Variants in GNG4 observed in about 807,000 individuals in gnomAD.
The protein encoded by GNG4 is guanine nucleotide-binding protein G(I)/G(S)/G(O) subunit gamma-4.
GNG4 carries 4 observed loss-of-function variants against 5.8 expected under a neutral mutation model. That is an observed-to-expected ratio of 0.69 (90% CI 0.34 to 1.57). The LOEUF is 1.57. GNG4 is among the 40% of genes most tolerant of loss of function. The pLI, the probability that GNG4 is intolerant of heterozygous loss-of-function variation, is 0.06. For missense variants in GNG4, 96 were observed against 95.1 expected (o/e 1.01, Z -0.04); for synonymous variants, 29 against 32.9 (o/e 0.88, Z 0.41).
At chr1:235,590,553 G>C (rs141025233) in intron 2 of GNG4, among the ~76,000 whole-genome samples, 4 of 152,106 alleles carry the variant, frequency 2.6e-5, no homozygotes, top group Non-Finnish European at 5.9e-5. Context: ...GCCGTCTTTC[G>C]GGAGCACTGG....
intron 3 of GNG4, among the ~76,000 whole-genome samples, chr1:235,564,516 T>C (rs508208): frequency 0.36 from 55,420 of 152,050 alleles, 11,483 homozygotes; most frequent in East Asian, 0.76. Flanking sequence ...TAAAGACTCT[T>C]GGACTGACAG....
Position 235,551,965 on chromosome 1 carries a change from C to A in GNG4, c.*144G>T. The A allele has an allele frequency of 6.9e-6, 4 of 583,928 alleles. No homozygotes were observed. Among genetic ancestry groups the A allele is most frequent in the South Asian group, 3.0e-5 (1 of 33,116 alleles). 36.2% of individuals were successfully genotyped at this position (583,928 alleles called of 1,614,324 possible). Reference sequence around the variant, plus strand: ...ATGAAATTGAATGCCACGAAGAAAACAGATGGAAACATAAGACAAGCCCCG... The same window carrying A: ...ATGAAATTGAATGCCACGAAGAAAAAAGATGGAAACATAAGACAAGCCCCG... On this transcript the variant is annotated 3_prime_UTR_variant, in exon 4 of 4. Coordinates refer to ENST00000391854, the MANE Select transcript of GNG4 (RefSeq NM_001098722.2).
chr1:235,627,212 T>TTTGC (rs1339570288), intron 1 of GNG4, among the ~76,000 whole-genome samples: 3 of 151,864 alleles, frequency 2.0e-5, no homozygotes, highest in African/African-American at 7.2e-5. Flanking sequence ...GACATAGTTT[T>TTTGC]TTGTTTGTTT....
At chr1:235,616,228 C>A in intron 1 of GNG4, 1 of 516,254 alleles carries the variant, frequency 1.9e-6, no homozygotes, top group South Asian at 1.4e-5. Context: ...GAGGAATGTT[C>A]TTGAATATTG....
chr1:235,644,834 C>T lies in GNG4; in HGVS notation c.-123+4828G>A, dbSNP rs150750370. On this transcript the variant is annotated intron_variant, in intron 1 of 3. Transcript: ENST00000391854. The surrounding 1 kb of genome is among the most constrained non-coding windows in gnomAD (Gnocchi z 5.9). ...GGGCAGGGCAGATGGCTCCTCAGAT[C>T]GGGCTGGAGAGACATCCAGGAGGAG... Among the ~76,000 whole-genome samples, 1 of 152,136 alleles carries T rather than the reference C, an allele frequency of 6.6e-6. No homozygotes were observed. Among genetic ancestry groups the T allele is most frequent in the Non-Finnish European group, 1.5e-5 (1 of 68,024 alleles).
intron 1 of GNG4, among the ~76,000 whole-genome samples, chr1:235,640,530 G>T (rs1043569087): frequency 6.6e-6 from 1 of 152,190 alleles, no homozygotes; most frequent in Non-Finnish European, 1.5e-5. Context: ...CTCAAAACAG[G>T]TGTGTAAAAC....
intron 3 of GNG4, among the ~76,000 whole-genome samples, chr1:235,577,367 C>T (rs1157992125): frequency 6.6e-6 from 1 of 152,196 alleles, no homozygotes; most frequent in East Asian, 1.9e-4. Flanking sequence ...GCACATTCAC[C>T]TGCTAGGCAT....
chr1:235,599,371 C>T (rs1248701331), intron 1 of GNG4, among the ~76,000 whole-genome samples: 2 of 150,050 alleles, frequency 1.3e-5, no homozygotes, highest in Non-Finnish European at 3.0e-5. Flanking sequence ...GGCTGGAGTG[C>T]AGTGACGCGA....
At chr1:235,599,994 A>T (rs1373103310) in intron 1 of GNG4, among the ~76,000 whole-genome samples, 1 of 150,780 alleles carries the variant, frequency 6.6e-6, no homozygotes, top group African/African-American at 2.4e-5. Flanking sequence ...AAGTGATTTT[A>T]GACACCTTCC....
At chr1:235,598,184 G>T (rs1358757797) in intron 1 of GNG4, among the ~76,000 whole-genome samples, 1 of 152,174 alleles carries the variant, frequency 6.6e-6, no homozygotes, top group Non-Finnish European at 1.5e-5. Context: ...CTAAGGCCCT[G>T]CTCTACCCAC....
intron 1 of GNG4, among the ~76,000 whole-genome samples, chr1:235,596,192 A>AAACAAAAAC (rs1553368860): frequency 1.4e-5 from 2 of 143,094 alleles, no homozygotes; most frequent in Non-Finnish European, 3.1e-5. Flanking sequence ...AAACAAAACA[A>AAACAAAAAC]AAACAAACAA....
chr1:235,607,763 G>A (rs1449785320), intron 1 of GNG4, among the ~76,000 whole-genome samples: 4 of 152,114 alleles, frequency 2.6e-5, no homozygotes, highest in Non-Finnish European at 2.9e-5. Context: ...AGCCACAAGA[G>A]CAGAAGTCAT....
chr1:235,626,958 C>CA lies in GNG4; in HGVS notation c.-123+22703dup, dbSNP rs776506587. Among the ~76,000 whole-genome samples the CA allele has an allele frequency of 7.4e-4, 57 of 77,390 alleles. 3 individuals are homozygous for CA. The highest frequency in any genetic ancestry group is 8.9e-4 in the African/African-American group (18 of 20,186). 50.8% of individuals were successfully genotyped at this position (77,390 alleles called of 152,430 possible). A position where few individuals can be genotyped will look rare whatever the true frequency, so the allele number is the denominator to read the frequency against. ...TGGGTGACAGAGTGAGACTCTATCT[C>CA]AAAAAAAAAAAAAAAAAAAAAAAAA... On this transcript the variant is annotated intron_variant, in intron 1 of 3. Coordinates refer to ENST00000391854, the MANE Select transcript of GNG4 (RefSeq NM_001098722.2).
chr1:235,644,159 C>T lies in GNG4; in HGVS notation c.-123+5503G>A, dbSNP rs1405418562. 1.3e-5 allele frequency among the ~76,000 whole-genome samples: 2 copies of T among 152,186 alleles called. No homozygotes were observed. The highest frequency in any genetic ancestry group is 2.9e-5 in the Non-Finnish European group (2 of 68,032). On this transcript the variant is annotated intron_variant, in intron 1 of 3. Transcript: ENST00000391854. This position sits in a 1 kb window ranked among gnomAD's most constrained non-coding sequence, Gnocchi z 5.9. Reference sequence around the variant, plus strand: ...CAGGGCTGGGTGGCGGGAACGCGGGCACCCAGAGGTCCAGATCAGCAAAAG... The same window carrying T: ...CAGGGCTGGGTGGCGGGAACGCGGGTACCCAGAGGTCCAGATCAGCAAAAG...
chr1:235,593,388 T>A (rs181901433), intron 2 of GNG4, among the ~76,000 whole-genome samples: 18 of 152,274 alleles, frequency 1.2e-4, no homozygotes, highest in Non-Finnish European at 2.2e-4. Flanking sequence ...TACTTAGAAT[T>A]TCTGGAAGCC....
chr1:235,609,638 C>A (rs984334510), intron 1 of GNG4, among the ~76,000 whole-genome samples: 1 of 152,074 alleles, frequency 6.6e-6, no homozygotes, highest in Non-Finnish European at 1.5e-5. Flanking sequence ...CCTGGCCGGG[C>A]GCAGTGGCTC....
intron 1 of GNG4, among the ~76,000 whole-genome samples, chr1:235,624,444 T>C (rs906863930): frequency 2.0e-5 from 3 of 152,062 alleles, no homozygotes; most frequent in Non-Finnish European, 4.4e-5. Flanking sequence ...ATTGTTTCAA[T>C]AGAAAGGCTA....
At chr1:235,586,292 T>C (rs1004334234) in intron 2 of GNG4, among the ~76,000 whole-genome samples, 3 of 151,466 alleles carry the variant, frequency 2.0e-5, no homozygotes, top group African/African-American at 4.9e-5. Flanking sequence ...TTCCTGCACA[T>C]GTGTTGGTGT....
chr1:235,580,936 G>T (rs1397723545), intron 3 of GNG4, among the ~76,000 whole-genome samples: 1 of 151,874 alleles, frequency 6.6e-6, no homozygotes, highest in Non-Finnish European at 1.5e-5. Flanking sequence ...TTTTTTAGTA[G>T]AGATGGGTTT....
Sources: gnomAD v4.1 joint callset for allele counts (sites outside exome capture counted in the v4.1 genomes callset) on GRCh38, gnomAD v4.1.1 for gene constraint, Gnocchi (gnomAD v3.1) non-coding constraint, MANE v1.5 for transcripts, NCBI Gene and HGNC (gene_info 2026-07-23, HGNC 2026-07-21) for gene names.